Variants in GTF3C1 observed in about 807,000 individuals in gnomAD.
GTF3C1 encodes general transcription factor 3C polypeptide 1.
Under a neutral mutation model 226.7 loss-of-function variants are expected in GTF3C1, and 57 were observed. The ratio of observed to expected loss-of-function variants is 0.25; its 90% CI spans 0.20 to 0.31. GTF3C1 has a LOEUF of 0.31. Ranked by LOEUF, GTF3C1 falls within the 10% of genes least tolerant of loss-of-function variation. GTF3C1 has a pLI of 1.00. For synonymous variants in GTF3C1, 1,090 were observed against 1,084.8 expected, an observed-to-expected ratio of 1.00 and a Z score of -0.09; for missense variants, 2,217 against 2,776.1, an observed-to-expected ratio of 0.80 and a Z score of 4.53.
chr16:27,529,044 G>T lies in GTF3C1; in HGVS notation c.850-323C>A, dbSNP rs1300064862. Among the ~76,000 whole-genome samples, 3 of 152,012 alleles carry T rather than the reference G, an allele frequency of 2.0e-5. No homozygotes were observed. The East Asian group carries it at 5.8e-4, about 29-fold the overall frequency. ...ATCTGATACCTTTTCATGTTGTTTT[G>T]ATTTTTTAACCATGTAAGTGTATTA... On this transcript the variant is annotated intron_variant, in intron 5 of 36. Coordinates refer to ENST00000356183, the MANE Select transcript of GTF3C1 (RefSeq NM_001520.4).
chr16:27,529,044 G>A (rs1300064862), intron 5 of GTF3C1, among the ~76,000 whole-genome samples: 2 of 152,012 alleles, frequency 1.3e-5, no homozygotes, highest in African/African-American at 4.8e-5. Flanking sequence ...ATGTTGTTTT[G>A]ATTTTTTAAC....
chr16:27,480,184 G>A (rs118047593), intron 27 of GTF3C1, among the ~76,000 whole-genome samples: 8,018 of 148,564 alleles, frequency 0.054, 349 homozygotes, highest in Non-Finnish European at 0.075. Context: ...CCGGGGGGCC[G>A]GGGTGAGACT....
At chr16:27,483,985 C>G (rs1050938111) in intron 25 of GTF3C1, among the ~76,000 whole-genome samples, 8 of 152,220 alleles carry the variant, frequency 5.3e-5, no homozygotes, top group African/African-American at 1.9e-4. Context: ...CCACCTACTT[C>G]TCATGGCCGC....
intron 6 of GTF3C1, among the ~76,000 whole-genome samples, chr16:27,517,647 T>G (rs2088679836): frequency 6.6e-6 from 1 of 152,152 alleles, no homozygotes. Context: ...ATCTTTTGTG[T>G]CCAGGATCCA....
intron 1 of GTF3C1, among the ~76,000 whole-genome samples, chr16:27,548,940 G>A (rs2089217169): frequency 6.6e-6 from 1 of 152,186 alleles, no homozygotes; most frequent in South Asian, 2.1e-4. Flanking sequence ...GATTGTCTGA[G>A]GTCAGGAGTT....
chr16:27,484,453 C>T (rs1346159156), intron 24 of GTF3C1, 100 bp from the exon 25 acceptor site: 2 of 780,036 alleles, frequency 2.6e-6, no homozygotes, highest in South Asian at 1.6e-5. Flanking sequence ...TTTGTGCAGC[C>T]TCCTTCCTCA....
intron 6 of GTF3C1, among the ~76,000 whole-genome samples, chr16:27,526,744 G>C (rs1218267319): frequency 1.3e-5 from 2 of 152,222 alleles, no homozygotes; most frequent in East Asian, 3.8e-4. Flanking sequence ...TTGTAGTTGA[G>C]GGTTTACTCC....
At position 27,461,108 on chromosome 16, in the gene GTF3C1, G is replaced by A; in HGVS notation, c.*242C>T. 2.2e-6 allele frequency: 1 copy of A among 457,044 alleles called. No homozygotes were observed. The allele number at this position is 457,044 out of a possible 1,614,324, so 28.3% of individuals were successfully genotyped here. A position where few individuals can be genotyped will look rare whatever the true frequency, so the allele number is the denominator to read the frequency against. ...AAGAAGCACCAACTCCCAGTGTGAT[G>A]AGGCCAGTTCCCAAGGGGAAGGCCC... On this transcript the variant is annotated 3_prime_UTR_variant, in exon 37 of 37. Transcript: ENST00000356183. The surrounding 1 kb of genome is among the most constrained non-coding windows in gnomAD (Gnocchi z 5.3).
chr16:27,484,320 G>T lies in GTF3C1; in HGVS notation c.3892C>A (p.Arg1298=). 11 of 1,609,506 alleles carry T rather than the reference G, an allele frequency of 6.8e-6. No individual in the cohort carries two copies. Among genetic ancestry groups the T allele is most frequent in the Non-Finnish European group, 9.4e-6 (11 of 1,175,842 alleles). Residue 1298 remains arginine (R), a synonymous_variant, in exon 25 of 37, where the codon CGG becomes AGG. Coordinates refer to ENST00000356183, the MANE Select transcript of GTF3C1 (RefSeq NM_001520.4). ...TCAAACGTGGCATGCAAAATGTCCC[G>T]TACCACCTGCCAGGTGACAAATGGG... ...KGPFVTWQVV[R]DILHATFEES...
chr16:27,484,201 T>C lies in GTF3C1; in HGVS notation c.4001+10A>G, dbSNP rs2088099561. Reference sequence around the variant, plus strand: ...GTGTCCCGGAGTGACGGGGCTTCAATGAGGCTTACTTATAGTTGAGATAGG... The same window carrying C: ...GTGTCCCGGAGTGACGGGGCTTCAACGAGGCTTACTTATAGTTGAGATAGG... On this transcript the variant is annotated intron_variant, in intron 25 of 36. Coordinates refer to ENST00000356183, the MANE Select transcript of GTF3C1 (RefSeq NM_001520.4). 1 of 1,592,502 alleles carries C rather than the reference T, an allele frequency of 6.3e-7. No individual in the cohort carries two copies. Among genetic ancestry groups the C allele is most frequent in the Admixed American group, 1.7e-5 (1 of 59,932 alleles).
At position 27,495,497 on chromosome 16, in the gene GTF3C1, A is replaced by C. The variant is rs775591381; in HGVS notation, c.2351-5T>G. 1.2e-6 allele frequency: 2 copies of C among 1,611,568 alleles called. No homozygotes were observed. The highest frequency in any genetic ancestry group is 2.2e-5 in the East Asian group (1 of 44,836). On this transcript the variant is annotated splice_region_variant and splice_polypyrimidine_tract_variant and intron_variant, in intron 14 of 36. Transcript: ENST00000356183. ...GAGAACGCCCCAGTCCGGGAACTAA[A>C]GCAAGAGAGGGAGAGGGCGGTGCTT...
intron 5 of GTF3C1, among the ~76,000 whole-genome samples, chr16:27,529,113 T>G (rs531658322): frequency 3.0e-4 from 46 of 151,946 alleles, no homozygotes; most frequent in African/African-American, 1.1e-3. Flanking sequence ...CTGTCCCCCA[T>G]GGGCAGGAGA....
Position 27,462,165 on chromosome 16 carries a change from G to C in GTF3C1, c.6117+129C>G. The C allele has an allele frequency of 1.5e-6, 1 of 655,186 alleles. No homozygotes were observed. Among genetic ancestry groups the C allele is most frequent in the Non-Finnish European group, 2.7e-6 (1 of 375,418 alleles). 40.6% of individuals were successfully genotyped at this position (655,186 alleles called of 1,614,324 possible). A position where few individuals can be genotyped will look rare whatever the true frequency, so the allele number is the denominator to read the frequency against. ...CCTGAGAGGCAGGAGCCCAGGACAA[G>C]CTGGGGGAGGAGGTGCAGGCAAGCA... On this transcript the variant is annotated intron_variant, in intron 36 of 36. Coordinates refer to ENST00000356183, the MANE Select transcript of GTF3C1 (RefSeq NM_001520.4). The surrounding 1 kb of genome is among the most constrained non-coding windows in gnomAD (Gnocchi z 4.5).
At position 27,471,076 on chromosome 16, in the gene GTF3C1, A is replaced by G. The variant is rs1383620145; in HGVS notation, c.4526+672T>C. Among the ~76,000 whole-genome samples the G allele has an allele frequency of 1.3e-5, 2 of 152,208 alleles. No homozygotes were observed. The highest frequency in any genetic ancestry group is 2.9e-5 in the Non-Finnish European group (2 of 68,024). On this transcript the variant is annotated intron_variant, in intron 30 of 36. Transcript: ENST00000356183. The surrounding 1 kb of genome is among the most constrained non-coding windows in gnomAD (Gnocchi z 5.0). ...GAGGAAGTGTCTGCCGTCGTGGGGA[A>G]GGGATGGGATCAAAGAACCAAAAGA...
intron 19 of GTF3C1, among the ~76,000 whole-genome samples, 187 bp from the exon 20 acceptor site, chr16:27,489,930 A>G (rs376322108): frequency 1.5e-4 from 23 of 152,358 alleles, no homozygotes; most frequent in African/African-American, 3.6e-4. Flanking sequence ...GTCAGAGGGA[A>G]CAGAGGAAGA....
intron 16 of GTF3C1, among the ~76,000 whole-genome samples, chr16:27,493,910 G>A (rs1292079445): frequency 6.6e-6 from 1 of 151,438 alleles, no homozygotes; most frequent in Non-Finnish European, 1.5e-5. Context: ...CAATAAAAGA[G>A]TGAATATAGT....
At chr16:27,480,981 T>G in intron 27 of GTF3C1, 98 bp downstream of exon 27, 2 of 921,176 alleles carry the variant, frequency 2.2e-6, no homozygotes, top group Non-Finnish European at 3.5e-6. Context: ...GCCAGGCAGG[T>G]GCTGTGCGCT....
At chr16:27,504,355 C>T (rs1191069967) in intron 10 of GTF3C1, among the ~76,000 whole-genome samples, 1 of 152,206 alleles carries the variant, frequency 6.6e-6, no homozygotes, top group Non-Finnish European at 1.5e-5. Flanking sequence ...TGCTGGGCTC[C>T]ACTGCTGGAA....
At chr16:27,475,690 C>T (rs2087940936) in intron 29 of GTF3C1, among the ~76,000 whole-genome samples, 1 of 152,160 alleles carries the variant, frequency 6.6e-6, no homozygotes, top group Non-Finnish European at 1.5e-5. Context: ...TTCCCTTCCT[C>T]ACTCTCATGT....
Sources: gnomAD v4.1 joint callset for allele counts (sites outside exome capture counted in the v4.1 genomes callset) on GRCh38, gnomAD v4.1.1 for gene constraint, Gnocchi (gnomAD v3.1) non-coding constraint, MANE v1.5 for transcripts, NCBI Gene and HGNC (gene_info 2026-07-23, HGNC 2026-07-21) for gene names.